The following ZNF469 variants were observed in gnomAD, a reference collection of about 807,000 sequenced individuals.
ZNF469 encodes the protein zinc finger protein 469.
In ZNF469, 1 loss-of-function variant was observed where a neutral mutation model predicts 1.0. The ratio of observed to expected loss-of-function variants is 1.00; its 90% confidence interval spans 0.35 to 4.73. ZNF469 has a LOEUF of 4.73. ZNF469 is among the 30% of genes most tolerant of loss of function. ZNF469 has a pLI of 0.16. For missense variants in ZNF469, 6,100 were observed against 5,356.3 expected (o/e 1.14, Z -4.33); for synonymous variants, 2,703 against 2,363.4 (o/e 1.14, Z -4.17).
the ZNF469 span, among the ~76,000 whole-genome samples, chr16:88,270,189 T>C: frequency 2.6e-5 from 4 of 152,014 alleles, no homozygotes; most frequent in African/African-American, 9.7e-5. Context: ...CCCATGTGGG[T>C]AGAGAGAGGG....
At chr16:88,131,397 C>T in the ZNF469 span, among the ~76,000 whole-genome samples, 1 of 147,698 alleles carries the variant, frequency 6.8e-6, no homozygotes, top group African/African-American at 2.5e-5. Flanking sequence ...GCTTTCCCTT[C>T]CCGGGGCCTG....
the ZNF469 span, among the ~76,000 whole-genome samples, chr16:88,283,443 G>A: frequency 1.3e-5 from 2 of 152,216 alleles, no homozygotes; most frequent in African/African-American, 4.8e-5. Context: ...GAGGGATGGA[G>A]AAGTCAATAC....
chr16:88,145,725 C>G, the ZNF469 span, among the ~76,000 whole-genome samples: 2 of 152,250 alleles, frequency 1.3e-5, no homozygotes, highest in Middle Eastern at 3.2e-3. Context: ...CCTCTTGCCC[C>G]GTCGCTGCAG....
chr16:88,248,756 T>C, the ZNF469 span, among the ~76,000 whole-genome samples: 1 of 152,170 alleles, frequency 6.6e-6, no homozygotes, highest in Non-Finnish European at 1.5e-5. Flanking sequence ...ACGAGACGGG[T>C]ACAGGGAGGT....
chr16:88,107,121 G>T, the ZNF469 span, among the ~76,000 whole-genome samples: 3 of 151,052 alleles, frequency 2.0e-5, no homozygotes, highest in Admixed American at 6.6e-5. Flanking sequence ...ACTGTCCCAG[G>T]CTTCAGACAG....
chr16:88,366,453 CACT>C, the ZNF469 span, among the ~76,000 whole-genome samples: 3 of 151,036 alleles, frequency 2.0e-5, no homozygotes, highest in Admixed American at 1.3e-4. Flanking sequence ...CCATCATCAC[CACT>C]ATCATCATCA....
chr16:88,252,739 C>T, the ZNF469 span, among the ~76,000 whole-genome samples: 3 of 152,126 alleles, frequency 2.0e-5, no homozygotes, highest in Non-Finnish European at 2.9e-5. Flanking sequence ...CAGTAATAAG[C>T]ACATATGTTA....
the ZNF469 span, among the ~76,000 whole-genome samples, chr16:88,300,958 G>A: frequency 8.1e-3 from 1,225 of 152,084 alleles, 14 homozygotes; most frequent in Non-Finnish European, 0.014. Flanking sequence ...CCAGCTACTC[G>A]GGAGGCTGAG....
At chr16:88,269,695 C>T in the ZNF469 span, among the ~76,000 whole-genome samples, 1 of 152,094 alleles carries the variant, frequency 6.6e-6, no homozygotes, top group African/African-American at 2.4e-5. Flanking sequence ...TGGTATCCTG[C>T]TCTCGGGAAC....
chr16:88,397,635 G>GACT (rs1567500441), intron 1 of ZNF469, among the ~76,000 whole-genome samples: 72 of 88,514 alleles, frequency 8.1e-4, no homozygotes, highest in African/African-American at 3.5e-3. Flanking sequence ...ATGGATGGAT[G>GACT]GATGGATGGA....
At chr16:88,170,974 A>T in the ZNF469 span, among the ~76,000 whole-genome samples, 1 of 152,154 alleles carries the variant, frequency 6.6e-6, no homozygotes, top group Non-Finnish European at 1.5e-5. The surrounding 1 kb of genome is among the most constrained non-coding windows in gnomAD (Gnocchi z 4.2). Flanking sequence ...CAGGCACAGG[A>T]GGGGAAGTGC....
chr16:88,234,162 G>T, the ZNF469 span, among the ~76,000 whole-genome samples: 95 of 152,320 alleles, frequency 6.2e-4, no homozygotes, highest in Non-Finnish European at 1.1e-3. Context: ...CGAGGAGGTG[G>T]TTGTGAACGT....
chr16:88,158,117 C>T, the ZNF469 span, among the ~76,000 whole-genome samples: 1 of 151,956 alleles, frequency 6.6e-6, no homozygotes, highest in Admixed American at 6.5e-5. Context: ...GCCCTATAGA[C>T]TCAGGGTCCA....
the ZNF469 span, among the ~76,000 whole-genome samples, chr16:88,144,027 C>T: frequency 2.1e-4 from 30 of 146,200 alleles, no homozygotes; most frequent in African/African-American, 5.0e-4. Context: ...GCAGGGGAAA[C>T]GGCGCAGGGT....
rs1451861889 is a variant in ZNF469, at chr16:88,437,082, G to T, written c.9612G>T (p.Arg3204Ser). Residue 3204 changes from arginine to serine, a missense_variant, in exon 3 of 3, where the codon AGG (arginine) becomes AGT (serine). Arg to Ser is a moderately radical substitution (Grantham distance 110, BLOSUM62 -1). Coordinates refer to ENST00000565624, the MANE Select transcript of ZNF469 (RefSeq NM_001367624.2). The stretch of plus-strand genomic sequence containing the variant: ...AGCACGCGGTCCGCTTCGCCCGCAG[G>T]GGGCAGGCGCGGAGGTCCTTGGGGG... ...LREHAVRFAR[R>S]GQARRSLGDL... 1 of 1,543,062 alleles carries T rather than the reference G, an allele frequency of 6.5e-7. No individual in the cohort carries two copies. The highest frequency in any genetic ancestry group is 2.0e-5 in the Admixed American group (1 of 50,644).
the ZNF469 span, among the ~76,000 whole-genome samples, chr16:88,148,052 C>G: frequency 6.6e-6 from 1 of 151,774 alleles, no homozygotes; most frequent in Non-Finnish European, 1.5e-5. Context: ...CCTGTCTTTG[C>G]ACCCCGCTCT....
the ZNF469 span, among the ~76,000 whole-genome samples, chr16:88,215,872 T>C: frequency 6.6e-6 from 1 of 152,186 alleles, no homozygotes. Context: ...TCTTGCATTA[T>C]TAATTCTATA....
At chr16:88,129,427 A>G in the ZNF469 span, among the ~76,000 whole-genome samples, 3 of 103,478 alleles carry the variant, frequency 2.9e-5, no homozygotes, top group African/African-American at 7.7e-5. Context: ...CGTACTTTGC[A>G]CATACCGTTT....
the ZNF469 span, among the ~76,000 whole-genome samples, chr16:88,248,057 G>C: frequency 6.6e-6 from 1 of 152,098 alleles, no homozygotes; most frequent in Non-Finnish European, 1.5e-5. Flanking sequence ...TGCTCCAGTG[G>C]GGTTGGAGAG....
Sources: allele counts gnomAD v4.1 joint callset (sites outside exome capture counted in the v4.1 genomes callset), GRCh38; gene constraint gnomAD v4.1.1; non-coding constraint Gnocchi (gnomAD v3.1); transcripts MANE v1.5; gene names NCBI Gene and HGNC (gene_info 2026-07-23, HGNC 2026-07-21).